ZNF705B: variants seen among roughly 807,000 people sequenced by gnomAD.
The protein encoded by ZNF705B is Putative zinc finger protein 705D-like protein LOC100132396.
In ZNF705B, 1 loss-of-function variant was observed where a neutral mutation model predicts 10.5. The ratio of observed to expected loss-of-function variants is 0.10; its 90% CI spans 0.03 to 0.45. The LOEUF is 0.45. Among genes scored for constraint, ZNF705B ranks in the 20% least tolerant of loss-of-function variants. The pLI is 0.97. For synonymous variants in ZNF705B, 4 were observed against 25.4 expected, an observed-to-expected ratio of 0.16 and a Z score of 2.53; for missense variants, 14 against 84.0, an observed-to-expected ratio of 0.17 and a Z score of 3.26.
In ZNF705B at chr8:7,932,084, C is replaced by A. The variant is rs1176798645; in HGVS notation, c.-72+1648C>A. Among the ~76,000 whole-genome samples the A allele has an allele frequency of 5.0e-5, 6 of 120,488 alleles. 2 individuals carry two copies. The highest frequency in any genetic ancestry group is 9.9e-5 in the Non-Finnish European group (5 of 50,272). 79.0% of individuals were successfully genotyped at this position (120,488 alleles called of 152,430 possible). On this transcript the variant is annotated intron_variant, in intron 2 of 6. Transcript: ENST00000400120. ...GCAGACGATCCAGTGCCAACTCCTT[C>A]TCTGGGACAATGACCATCACATAGA...
chr8:7,927,334 A>G (rs1349783277), intron 1 of ZNF705B, among the ~76,000 whole-genome samples: 1 of 121,104 alleles, frequency 8.3e-6, no homozygotes, highest in Non-Finnish European at 2.0e-5. Flanking sequence ...GGAAAGTAGT[A>G]TCTTGTGTGA....
chr8:7,926,614 C>A (rs1303459498), intron 1 of ZNF705B, among the ~76,000 whole-genome samples: 1 of 101,640 alleles, frequency 9.8e-6, no homozygotes, highest in African/African-American at 2.8e-5. Flanking sequence ...CCCCAAAATT[C>A]ATGCTGAAAT....
intron 2 of ZNF705B, among the ~76,000 whole-genome samples, chr8:7,935,971 T>C (rs1246530385): frequency 1.1e-5 from 1 of 91,768 alleles, no homozygotes; most frequent in African/African-American, 2.8e-5. Context: ...TGACCTGTCT[T>C]GTGATATGTG....
At chr8:7,937,588 T>C (rs1239004181) in intron 2 of ZNF705B, among the ~76,000 whole-genome samples, 1 of 121,372 alleles carries the variant, frequency 8.2e-6, no homozygotes, top group African/African-American at 2.5e-5. Flanking sequence ...AAAATATTTT[T>C]AACTGATTAA....
chr8:7,928,749 C>CAAAAAAAAA (rs548498381), intron 1 of ZNF705B, among the ~76,000 whole-genome samples: 21 of 52,304 alleles, frequency 4.0e-4, no homozygotes, highest in African/African-American at 8.9e-4. Context: ...AACCAGGTAG[C>CAAAAAAAAA]AAAAAAAAAA....
chr8:7,933,929 C>CTTTTT lies in ZNF705B; in HGVS notation c.-72+3518_-72+3522dup, dbSNP rs1162997944. Among the ~76,000 whole-genome samples the CTTTTT allele has an allele frequency of 1.6e-3, 46 of 29,362 alleles. 5 individuals are homozygous for CTTTTT. Among genetic ancestry groups the CTTTTT allele is most frequent in the African/African-American group, 3.5e-3 (45 of 12,814 alleles). 19.3% of individuals were successfully genotyped at this position (29,362 alleles called of 152,430 possible). On this transcript the variant is annotated intron_variant, in intron 2 of 6. Transcript: ENST00000400120. ...ATCAAGTCATAACATGTAATATAAA[C>CTTTTT]TTTTTTTTTTTTTTTTTTTTTTTTT...
rs574802391 is a variant in ZNF705B, at chr8:7,930,412, G to A, written c.-96G>A. 4 of 76,672 alleles carry A rather than the reference G, an allele frequency of 5.2e-5. No homozygotes were observed. Among genetic ancestry groups the A allele is most frequent in the African/African-American group, 1.3e-4 (4 of 29,896 alleles). The allele number at this position is 76,672 out of a possible 1,614,324, so 4.7% of individuals were successfully genotyped here. A position where few individuals can be genotyped will look rare whatever the true frequency, so the allele number is the denominator to read the frequency against. On this transcript the variant is annotated 5_prime_UTR_variant, in exon 2 of 7. Transcript: ENST00000400120. Reference sequence around the variant, plus strand: ...GCTGTTCCTTCTCTTTCTCCTTCTTGGATGTCTGATACAAACAGCCTCAGG... The same window carrying A: ...GCTGTTCCTTCTCTTTCTCCTTCTTAGATGTCTGATACAAACAGCCTCAGG...
chr8:7,937,061 C>A (rs1437383892), intron 2 of ZNF705B, among the ~76,000 whole-genome samples: 1 of 116,586 alleles, frequency 8.6e-6, no homozygotes, highest in African/African-American at 2.6e-5. Context: ...GCTTTAGGAA[C>A]AAAAGATAGA....
chr8:7,936,420 C>T (rs1363821499), intron 2 of ZNF705B, among the ~76,000 whole-genome samples: 14 of 117,992 alleles, frequency 1.2e-4, no homozygotes, highest in African/African-American at 3.6e-4. Flanking sequence ...AGACCTAAAT[C>T]TGTATGTTCA....
At chr8:7,926,746 A>T in intron 1 of ZNF705B, among the ~76,000 whole-genome samples, 1 of 115,176 alleles carries the variant, frequency 8.7e-6, no homozygotes, top group Admixed American at 1.0e-4. Flanking sequence ...TTTGTTAGGG[A>T]AGTGCAATTC....
intron 2 of ZNF705B, among the ~76,000 whole-genome samples, chr8:7,930,881 G>A (rs1386765424): frequency 7.7e-6 from 1 of 130,564 alleles, no homozygotes; most frequent in African/African-American, 2.5e-5. Flanking sequence ...TTTTGAGACA[G>A]AGTCTAGCTC....
chr8:7,927,788 C>T (rs1819739307), intron 1 of ZNF705B, among the ~76,000 whole-genome samples: 2 of 148,128 alleles, frequency 1.4e-5, no homozygotes, highest in Admixed American at 6.9e-5. Context: ...AAAATTGTCT[C>T]TATTTTTGCA....
intron 2 of ZNF705B, among the ~76,000 whole-genome samples, chr8:7,940,321 A>G (rs1476468882): frequency 6.7e-6 from 1 of 148,488 alleles, no homozygotes. Context: ...TAAGGTGTAC[A>G]TCTCAGTGAG....
intron 2 of ZNF705B, among the ~76,000 whole-genome samples, chr8:7,933,144 T>TA (rs1819898365): frequency 9.4e-6 from 1 of 106,242 alleles, no homozygotes; most frequent in African/African-American, 2.7e-5. Flanking sequence ...TCATGAGTCC[T>TA]AAAAAATGGA....
At chr8:7,931,327 C>A (rs1469285064) in intron 2 of ZNF705B, among the ~76,000 whole-genome samples, 1 of 121,734 alleles carries the variant, frequency 8.2e-6, no homozygotes, top group South Asian at 2.7e-4. Context: ...AGTCCTCAGG[C>A]TTTCACCTGG....
At chr8:7,927,871 C>G (rs1429346931) in intron 1 of ZNF705B, among the ~76,000 whole-genome samples, 2 of 142,280 alleles carry the variant, frequency 1.4e-5, no homozygotes, top group Non-Finnish European at 3.1e-5. Context: ...TACCTTTTGG[C>G]TTCTCAACAC....
At chr8:7,927,621 G>C (rs1310298593) in intron 1 of ZNF705B, among the ~76,000 whole-genome samples, 10 of 118,168 alleles carry the variant, frequency 8.5e-5, no homozygotes, top group African/African-American at 2.5e-4. Context: ...AACAGTAGGA[G>C]GTTGACACTA....
chr8:7,941,425 G>A lies in ZNF705B; in HGVS notation c.-71-5926G>A, dbSNP rs374026657. Reference sequence around the variant, plus strand: ...GGACATAGTAATTTGTATTTCCACCGCAAGTATACAAGGGTTATCTTTTCT... The same window carrying A: ...GGACATAGTAATTTGTATTTCCACCACAAGTATACAAGGGTTATCTTTTCT... On this transcript the variant is annotated intron_variant, in intron 2 of 6. Transcript: ENST00000400120. Among the ~76,000 whole-genome samples the A allele has an allele frequency of 6.4e-4, 56 of 87,180 alleles. 1 individual carries two copies. The highest frequency in any genetic ancestry group is 1.6e-3 in the African/African-American group (50 of 30,722). 57.2% of individuals were successfully genotyped at this position (87,180 alleles called of 152,430 possible).
At chr8:7,929,477 G>GA (rs1184200240) in intron 1 of ZNF705B, among the ~76,000 whole-genome samples, 3 of 120,458 alleles carry the variant, frequency 2.5e-5, no homozygotes, top group African/African-American at 2.5e-5. Context: ...TTATTCTGGG[G>GA]AAAAAAAGGC....
Sources: gnomAD v4.1 joint callset for allele counts (sites outside exome capture counted in the v4.1 genomes callset) on GRCh38, gnomAD v4.1.1 for gene constraint, MANE v1.5 for transcripts, NCBI Gene and HGNC (gene_info 2026-07-23, HGNC 2026-07-21) for gene names.